Variants in GSG1L observed in about 807,000 individuals in gnomAD.
GSG1L encodes the protein germ cell-specific gene 1-like protein.
Under a neutral mutation model 42.1 loss-of-function variants are expected in GSG1L, and 24 were observed. The observed-to-expected ratio is 0.57, with a 90% CI of 0.41 to 0.80. The LOEUF (loss-of-function observed/expected upper bound fraction) is 0.80, where lower values mean the gene tolerates loss of function less well. Among genes scored for constraint, GSG1L ranks in the 30% least tolerant of loss-of-function variants. GSG1L has a pLI of 0.00. For synonymous variants in GSG1L, 215 were observed against 203.5 expected (o/e 1.06, Z -0.48); for missense variants, 445 against 472.2 (o/e 0.94, Z 0.53).
chr16:27,953,224 G>A (rs1184321704), intron 2 of GSG1L, among the ~76,000 whole-genome samples: 1 of 152,110 alleles, frequency 6.6e-6, no homozygotes, highest in East Asian at 1.9e-4. Flanking sequence ...CAAGTAGCTG[G>A]GAGTACAGGT....
At chr16:27,912,345 C>G (rs1416365067) in intron 2 of GSG1L, among the ~76,000 whole-genome samples, 1 of 152,144 alleles carries the variant, frequency 6.6e-6, no homozygotes, top group Non-Finnish European at 1.5e-5. Flanking sequence ...GAGACCTGGT[C>G]TCTACTAAAA....
In GSG1L at chr16:27,935,480, C is replaced by T. The variant is rs1344290780; in HGVS notation, c.397+27676G>A. Among the ~76,000 whole-genome samples the T allele has an allele frequency of 6.0e-5, 9 of 150,366 alleles. No homozygotes were observed. In the East Asian group the frequency reaches 1.6e-3, roughly 26 times the overall value. ...TCTTAAATGACCACTTAGCGTTAGG[C>T]TCTCGGCTATACGCTAGAGACAGAC... On this transcript the variant is annotated intron_variant, in intron 2 of 6. Transcript: ENST00000447459.
At chr16:27,856,213 T>C (rs2083576189) in intron 3 of GSG1L, among the ~76,000 whole-genome samples, 1 of 152,026 alleles carries the variant, frequency 6.6e-6, no homozygotes, top group Non-Finnish European at 1.5e-5. Flanking sequence ...TTTCCAAACA[T>C]TGGCCAAATA....
intron 2 of GSG1L, among the ~76,000 whole-genome samples, chr16:27,933,315 G>T (rs2084677111): frequency 6.6e-6 from 1 of 152,076 alleles, no homozygotes; most frequent in South Asian, 2.1e-4. Context: ...CAGGGCCCTA[G>T]AAATCATACT....
chr16:27,808,950 G>A (rs1382327378), intron 5 of GSG1L, among the ~76,000 whole-genome samples: 4 of 152,116 alleles, frequency 2.6e-5, no homozygotes, highest in Non-Finnish European at 4.4e-5. Flanking sequence ...CTTCACCTGC[G>A]TCCCACTGAT....
At chr16:27,877,493 A>G (rs964057969) in intron 3 of GSG1L, among the ~76,000 whole-genome samples, 2 of 152,076 alleles carry the variant, frequency 1.3e-5, no homozygotes, top group African/African-American at 4.8e-5. Context: ...TAAACATTTC[A>G]TGGGTCCCTA....
intron 3 of GSG1L, among the ~76,000 whole-genome samples, chr16:27,856,547 T>C (rs2083579782): frequency 6.6e-6 from 1 of 152,172 alleles, no homozygotes; most frequent in Non-Finnish European, 1.5e-5. Flanking sequence ...ACTCCTTGGC[T>C]CAAGTGATCC....
chr16:27,898,492 G>A (rs2084217310), intron 2 of GSG1L, among the ~76,000 whole-genome samples: 1 of 151,978 alleles, frequency 6.6e-6, no homozygotes, highest in Non-Finnish European at 1.5e-5. Flanking sequence ...TCAAAGACAG[G>A]TTTTTGAGAT....
intron 3 of GSG1L, among the ~76,000 whole-genome samples, chr16:27,864,000 G>A (rs531429833): frequency 1.3e-5 from 2 of 152,306 alleles, no homozygotes; most frequent in African/African-American, 4.8e-5. Context: ...ATATGATGAG[G>A]TCAGGAATCT....
At chr16:28,005,663 TCTCTGTGCCTCAGTTTC>T (rs1175999241) in intron 1 of GSG1L, among the ~76,000 whole-genome samples, 4 of 152,090 alleles carry the variant, frequency 2.6e-5, no homozygotes, top group Non-Finnish European at 4.4e-5. Flanking sequence ...TCCCTTAACC[TCTCTGTGCCTCAGTTTC>T]CTCTGTGCCT....
chr16:27,803,788 T>TATATATATATATATATATAG (rs1567460391), intron 6 of GSG1L, among the ~76,000 whole-genome samples: 1 of 63,652 alleles, frequency 1.6e-5, no homozygotes, highest in African/African-American at 6.1e-5. Context: ...TATATATATA[T>TATATATATATATATATATAG]ATATATAGAT....
chr16:27,826,306 C>T (rs1341988886), intron 5 of GSG1L, among the ~76,000 whole-genome samples: 1 of 152,184 alleles, frequency 6.6e-6, no homozygotes, highest in Non-Finnish European at 1.5e-5. Context: ...CCATGCTTCT[C>T]TTCTGACTGA....
chr16:27,929,960 T>C (rs1365902698), intron 2 of GSG1L, among the ~76,000 whole-genome samples: 1 of 152,084 alleles, frequency 6.6e-6, no homozygotes, highest in Non-Finnish European at 1.5e-5. Flanking sequence ...CCATGTGCAA[T>C]AGCCAAGCCA....
At chr16:28,003,915 G>T (rs933220746) in intron 1 of GSG1L, among the ~76,000 whole-genome samples, 1 of 152,240 alleles carries the variant, frequency 6.6e-6, no homozygotes. Context: ...TTGGAGGGCA[G>T]GAAGACTGCT....
chr16:27,824,185 G>A (rs531454313), intron 5 of GSG1L, among the ~76,000 whole-genome samples: 6 of 152,354 alleles, frequency 3.9e-5, no homozygotes, highest in South Asian at 2.1e-4. Context: ...GGCACTTGGC[G>A]CGGCATGTCA....
intron 3 of GSG1L, among the ~76,000 whole-genome samples, chr16:27,863,584 T>C (rs1237533753): frequency 6.6e-6 from 1 of 152,130 alleles, no homozygotes; most frequent in East Asian, 1.9e-4. Flanking sequence ...TTTGAATTTA[T>C]TTCTGCCAAC....
chr16:27,855,780 T>C (rs2083570570), intron 3 of GSG1L, among the ~76,000 whole-genome samples: 1 of 148,318 alleles, frequency 6.7e-6, no homozygotes, highest in Admixed American at 6.7e-5. Context: ...CCACTGTGAG[T>C]TTCTGCTCCA....
chr16:27,979,886 G>A (rs548171419), intron 1 of GSG1L, among the ~76,000 whole-genome samples: 39 of 151,914 alleles, frequency 2.6e-4, no homozygotes, highest in African/African-American at 7.2e-4. Flanking sequence ...AGAAAGAAAC[G>A]AAGGAAGGAA....
At chr16:27,880,890 G>T (rs1007804027) in intron 3 of GSG1L, among the ~76,000 whole-genome samples, 2 of 151,334 alleles carry the variant, frequency 1.3e-5, no homozygotes, top group Non-Finnish European at 2.9e-5. Context: ...AAGGAGAGGG[G>T]ACTGGATGCC....
Sources: allele counts gnomAD v4.1 joint callset (sites outside exome capture counted in the v4.1 genomes callset), GRCh38; gene constraint gnomAD v4.1.1; transcripts MANE v1.5; gene names NCBI Gene and HGNC (gene_info 2026-07-23, HGNC 2026-07-21).